ADAMTS17: variants seen among roughly 807,000 people sequenced by gnomAD.
ADAMTS17 encodes A disintegrin and metalloproteinase with thrombospondin motifs 17.
In ADAMTS17, 113 loss-of-function variants were observed where a neutral mutation model predicts 141.5. The observed-to-expected ratio is 0.80, with a 90% confidence interval of 0.69 to 0.93. ADAMTS17 has a LOEUF of 0.93. Ranked by LOEUF, ADAMTS17 falls within the 40% of genes least tolerant of loss-of-function variation. The pLI, the probability that ADAMTS17 is intolerant of heterozygous loss-of-function variation, is 0.00. For missense variants in ADAMTS17, 1,659 were observed against 1,517.9 expected, an observed-to-expected ratio of 1.09 and a Z score of -1.54; for synonymous variants, 768 against 630.6, an observed-to-expected ratio of 1.22 and a Z score of -3.27.
At position 99,974,179 on chromosome 15, in the gene ADAMTS17, G is replaced by A; in HGVS notation, c.*223C>T. On this transcript the variant is annotated 3_prime_UTR_variant, in exon 22 of 22. Transcript: ENST00000268070. Reference sequence around the variant, plus strand: ...ATCCTAGAAATTGAAGTTACTTTGTGACTCATGCCTACTTTCTCCTCACTG... The same window carrying A: ...ATCCTAGAAATTGAAGTTACTTTGTAACTCATGCCTACTTTCTCCTCACTG... 1 of 596,030 alleles carries A rather than the reference G, an allele frequency of 1.7e-6. No homozygotes were observed. Among genetic ancestry groups the A allele is most frequent in the East Asian group, 2.9e-5 (1 of 34,922 alleles). The allele number at this position is 596,030 out of a possible 1,614,324, so 36.9% of individuals were successfully genotyped here.
intron 15 of ADAMTS17, among the ~76,000 whole-genome samples, chr15:100,083,659 G>C (rs917136217): frequency 6.6e-6 from 1 of 151,512 alleles, no homozygotes; most frequent in Non-Finnish European, 1.5e-5. Flanking sequence ...AGGATGTTTG[G>C]AGAGACTTCA....
chr15:100,187,493 G>A (rs1596224975), intron 8 of ADAMTS17, among the ~76,000 whole-genome samples: 1 of 152,146 alleles, frequency 6.6e-6, no homozygotes, highest in Admixed American at 6.5e-5. Context: ...CAGCTTCTCT[G>A]GACATATGAT....
chr15:100,052,943 G>A (rs958739709), intron 16 of ADAMTS17, among the ~76,000 whole-genome samples: 2 of 152,240 alleles, frequency 1.3e-5, no homozygotes, highest in Non-Finnish European at 2.9e-5. Context: ...AGCGCTCCCC[G>A]GCAGAGCCAG....
At chr15:100,074,566 T>C (rs971890245) in intron 15 of ADAMTS17, among the ~76,000 whole-genome samples, 10 of 152,068 alleles carry the variant, frequency 6.6e-5, no homozygotes, top group African/African-American at 1.9e-4. Context: ...TCTTCCCATC[T>C]CAGAATAAAC....
intron 3 of ADAMTS17, among the ~76,000 whole-genome samples, chr15:100,316,099 T>A (rs1315613533): frequency 6.6e-6 from 1 of 152,202 alleles, no homozygotes; most frequent in Non-Finnish European, 1.5e-5. Flanking sequence ...TACACAAGGT[T>A]TTTTAGAAAG....
At chr15:100,100,150 A>G (rs8027044) in intron 14 of ADAMTS17, among the ~76,000 whole-genome samples, 98,600 of 152,028 alleles carry the variant, frequency 0.65, 32,398 homozygotes, top group South Asian at 0.75. Context: ...ATGGAGGGAG[A>G]CGCCAGTGCG....
intron 7 of ADAMTS17, among the ~76,000 whole-genome samples, chr15:100,221,278 CTTTTTT>C (rs34908375): frequency 6.8e-6 from 1 of 147,962 alleles, no homozygotes; most frequent in African/African-American, 2.5e-5. Flanking sequence ...ATAAACTTCA[CTTTTTT>C]TTTTTTTAAC....
intron 18 of ADAMTS17, among the ~76,000 whole-genome samples, chr15:100,010,394 C>G (rs1428766655): frequency 6.6e-6 from 1 of 152,228 alleles, no homozygotes; most frequent in Admixed American, 6.5e-5. Context: ...GCATGCACAT[C>G]CCTTCCTTCT....
rs1229933717 is a variant in ADAMTS17, at chr15:100,281,366, C to G, written c.652G>C (p.Asp218His). The change falls in exon 4 of 22, where the codon GAC (aspartate) becomes CAC (histidine). Residue 218 changes from aspartate (D) to histidine (H), a missense_variant. Transcript: ENST00000268070. ...KKPTWGRPSR[D>H]WRERRNAIRL... ...ATAGCGTTCCTCCGCTCCCGCCAGT[C>G]CCGCGAAGGCCTGCCCCACGTCGGC... The G allele has an allele frequency of 6.2e-7, 1 of 1,612,698 alleles. No individual in the cohort carries two copies.
At chr15:100,290,621 G>C (rs1394783986) in intron 3 of ADAMTS17, among the ~76,000 whole-genome samples, 1 of 152,182 alleles carries the variant, frequency 6.6e-6, no homozygotes, top group Non-Finnish European at 1.5e-5. Context: ...CAAGGCTAGA[G>C]TAACCAAAAC....
chr15:100,053,842 G>C, intron 16 of ADAMTS17, 55 bp downstream of exon 16: 1 of 1,613,806 alleles, frequency 6.2e-7, no homozygotes, highest in South Asian at 1.1e-5. Flanking sequence ...AAGTAACCTA[G>C]TAGACCTCTC....
chr15:99,982,801 C>T (rs934596), intron 20 of ADAMTS17, among the ~76,000 whole-genome samples: 5,890 of 152,230 alleles, frequency 0.039, 325 homozygotes, highest in African/African-American at 0.12. Context: ...GCCGGGAAAC[C>T]TGAAGTGAGT....
chr15:100,079,681 C>T (rs147280369), intron 15 of ADAMTS17, among the ~76,000 whole-genome samples: 14 of 152,290 alleles, frequency 9.2e-5, no homozygotes, highest in African/African-American at 3.1e-4. Flanking sequence ...ATGGAAACGG[C>T]AGTGGTTTGT....
intron 7 of ADAMTS17, among the ~76,000 whole-genome samples, chr15:100,233,368 A>ATATAATATAATTATAAT (rs1433249041): frequency 6.6e-6 from 1 of 152,112 alleles, no homozygotes. Context: ...CTCACTGAAA[A>ATATAATATAATTATAAT]GTCATATAAG....
intron 18 of ADAMTS17, among the ~76,000 whole-genome samples, chr15:100,037,916 A>G (rs2141520968): frequency 6.6e-6 from 1 of 151,166 alleles, no homozygotes; most frequent in East Asian, 2.0e-4. Flanking sequence ...GGGACTACAG[A>G]CACACACTAC....
intron 7 of ADAMTS17, among the ~76,000 whole-genome samples, chr15:100,237,073 A>G (rs552064159): frequency 2.6e-5 from 4 of 151,672 alleles, no homozygotes; most frequent in African/African-American, 9.7e-5. Flanking sequence ...GGCCCCCACA[A>G]CCCTGCCCCT....
intron 8 of ADAMTS17, among the ~76,000 whole-genome samples, chr15:100,170,482 T>C (rs78401927): frequency 3.9e-5 from 6 of 152,166 alleles, no homozygotes; most frequent in African/African-American, 4.8e-5. Flanking sequence ...TCAAAGTTTC[T>C]ACCTTTGCAT....
rs566823053 is a variant in ADAMTS17 at position 100,088,877 on chromosome 15, A to G, written c.2137+7479T>C. 2.6e-5 allele frequency among the ~76,000 whole-genome samples: 4 copies of G among 151,824 alleles called. No homozygotes were observed. The South Asian group carries it at 8.3e-4, about 32-fold the overall frequency. ...AAAACTTACATGTGAGACCTAAACC[A>G]GAAAAACCCTAGAAGAAAACCTAGT... On this transcript the variant is annotated intron_variant, in intron 15 of 21. Coordinates refer to ENST00000268070, the MANE Select transcript of ADAMTS17 (RefSeq NM_139057.4).
intron 3 of ADAMTS17, among the ~76,000 whole-genome samples, chr15:100,299,376 A>C (rs577591070): frequency 6.6e-6 from 1 of 152,072 alleles, no homozygotes. Context: ...AGACACATTC[A>C]GCAAATCCGC....
Sources: allele counts gnomAD v4.1 joint callset (sites outside exome capture counted in the v4.1 genomes callset), GRCh38; gene constraint gnomAD v4.1.1; transcripts MANE v1.5; gene names NCBI Gene and HGNC (gene_info 2026-07-23, HGNC 2026-07-21).